The following NEBL variants were observed in gnomAD, a reference collection of about 807,000 sequenced individuals.
NEBL encodes nebulette, also known as LIM and SH3 protein 2.
A neutral mutation model predicts 140.2 loss-of-function variants in NEBL; 122 were observed. That is an observed-to-expected ratio of 0.87 (90% CI 0.75 to 1.01). NEBL has a LOEUF of 1.01. Ranked by LOEUF, NEBL falls within the 50% of genes least tolerant of loss-of-function variation. The probability of loss-of-function intolerance (pLI) is 0.00; values close to 1 mark genes in which losing one functional copy is unlikely to be tolerated. For missense variants in NEBL, 1,365 were observed against 1,231.3 expected, an observed-to-expected ratio of 1.11 and a Z score of -1.62; for synonymous variants, 436 against 398.9, an observed-to-expected ratio of 1.09 and a Z score of -1.11.
rs1588693518 is a variant in NEBL, at chr10:20,823,312, A to T, written c.1870-12T>A. ...TCTTTGTATTTCACCTGCATAATTT[A>T]TAAGAATATAACGTTAACTTTATTC... On this transcript the variant is annotated splice_polypyrimidine_tract_variant and intron_variant, in intron 18 of 27. Transcript: ENST00000377122. 4.5e-6 allele frequency: 7 copies of T among 1,567,166 alleles called. No individual in the cohort carries two copies. Among genetic ancestry groups the T allele is most frequent in the Middle Eastern group, 2.1e-4 (1 of 4,692 alleles).
intron 2 of NEBL, among the ~76,000 whole-genome samples, chr10:21,153,884 T>C (rs1008501601): frequency 6.6e-6 from 1 of 152,178 alleles, no homozygotes; most frequent in Non-Finnish European, 1.5e-5. Context: ...AAAGTTAAGA[T>C]GTAGGACCTC....
intron 2 of NEBL, among the ~76,000 whole-genome samples, chr10:21,161,805 G>T (rs182842123): frequency 2.0e-5 from 3 of 152,206 alleles, no homozygotes; most frequent in African/African-American, 7.2e-5. Context: ...CATGCCTGTT[G>T]TATAATAAAG....
chr10:21,026,727 A>C (rs1465290873), intron 2 of NEBL, among the ~76,000 whole-genome samples: 1 of 152,224 alleles, frequency 6.6e-6, no homozygotes, highest in Non-Finnish European at 1.5e-5. Context: ...AAATGAGTTA[A>C]CATGGCAGGG....
chr10:21,224,102 G>A (rs1052734780), intron 3 of NEBL, among the ~76,000 whole-genome samples: 3 of 152,144 alleles, frequency 2.0e-5, no homozygotes, highest in Non-Finnish European at 2.9e-5. Context: ...CCAATGTCCT[G>A]GAGAGTTTCT....
At chr10:20,891,378 G>T (rs1847014369) in intron 2 of NEBL, among the ~76,000 whole-genome samples, 1 of 152,126 alleles carries the variant, frequency 6.6e-6, no homozygotes, top group African/African-American at 2.4e-5. Flanking sequence ...ACTGTTAATG[G>T]CAGTATGATA....
chr10:21,142,526 G>T (rs1325064195), intron 2 of NEBL, among the ~76,000 whole-genome samples: 1 of 152,196 alleles, frequency 6.6e-6, no homozygotes, highest in Admixed American at 6.5e-5. Context: ...TTTTCCAACA[G>T]CGTCAGTTAT....
At chr10:21,188,775 A>G (rs1029610411) in intron 3 of NEBL, among the ~76,000 whole-genome samples, 2 of 151,812 alleles carry the variant, frequency 1.3e-5, no homozygotes, top group Admixed American at 1.3e-4. Context: ...TTTTTAGTAG[A>G]GATGGGGTTT....
At chr10:20,904,233 T>A (rs144014129) in intron 4 of NEBL, among the ~76,000 whole-genome samples, 2 of 152,208 alleles carry the variant, frequency 1.3e-5, no homozygotes, top group African/African-American at 4.8e-5. Flanking sequence ...GGGAAGGCAA[T>A]TGAGTACTGT....
At chr10:21,209,497 A>C (rs1841881756) in intron 3 of NEBL, among the ~76,000 whole-genome samples, 1 of 152,142 alleles carries the variant, frequency 6.6e-6, no homozygotes, top group South Asian at 2.1e-4. Context: ...TTGAAAAGAA[A>C]GAGAGGAAAA....
At chr10:21,151,303 T>G (rs566268723) in intron 2 of NEBL, among the ~76,000 whole-genome samples, 2 of 152,212 alleles carry the variant, frequency 1.3e-5, no homozygotes, top group Non-Finnish European at 2.9e-5. Context: ...TCACCACTCA[T>G]GTGGTGAAAC....
At chr10:20,841,194 A>G (rs1841385204) in intron 12 of NEBL, among the ~76,000 whole-genome samples, 2 of 152,262 alleles carry the variant, frequency 1.3e-5, no homozygotes, top group African/African-American at 2.4e-5. Flanking sequence ...TGAAAGTTCT[A>G]TAAAACATGC....
chr10:20,876,031 C>T (rs1845465603), intron 5 of NEBL, among the ~76,000 whole-genome samples: 1 of 152,172 alleles, frequency 6.6e-6, no homozygotes, highest in Non-Finnish European at 1.5e-5. Context: ...CTGCTAATTC[C>T]ATCTCAAATG....
intron 26 of NEBL, among the ~76,000 whole-genome samples, chr10:20,805,122 A>C (rs73607516): frequency 0.015 from 2,346 of 152,322 alleles, 68 homozygotes; most frequent in African/African-American, 0.054. Flanking sequence ...TATGAGTGAA[A>C]GACAAGCGTC....
intron 2 of NEBL, among the ~76,000 whole-genome samples, chr10:21,167,285 C>T (rs1191781363): frequency 6.6e-6 from 1 of 152,224 alleles, no homozygotes; most frequent in Non-Finnish European, 1.5e-5. Context: ...GGGAATCTTA[C>T]TTGGATCACT....
At chr10:20,879,579 C>G (rs1297505344) in intron 5 of NEBL, among the ~76,000 whole-genome samples, 1 of 152,166 alleles carries the variant, frequency 6.6e-6, no homozygotes, top group African/African-American at 2.4e-5. Context: ...AGTTGCCGTT[C>G]TGCGGAAAAC....
chr10:21,093,474 A>G (rs1394334228), intron 2 of NEBL, among the ~76,000 whole-genome samples: 2 of 152,092 alleles, frequency 1.3e-5, no homozygotes, highest in Non-Finnish European at 1.5e-5. Context: ...CAGTCCCTCC[A>G]TCGGCACTGA....
intron 3 of NEBL, among the ~76,000 whole-genome samples, chr10:21,233,721 G>T (rs1196787257): frequency 7.5e-6 from 1 of 133,628 alleles, no homozygotes; most frequent in Non-Finnish European, 1.6e-5. Context: ...CATATATATG[G>T]ATATATATTA....
chr10:20,809,684 G>A, intron 25 of NEBL, 122 bp downstream of exon 25: 3 of 771,906 alleles, frequency 3.9e-6, no homozygotes, highest in Admixed American at 4.9e-5. Context: ...GCATTTTTTT[G>A]GTTTGCCAAA....
intron 3 of NEBL, among the ~76,000 whole-genome samples, chr10:20,968,027 G>GT (rs79961633): frequency 6.6e-6 from 1 of 152,050 alleles, no homozygotes; most frequent in Admixed American, 6.5e-5. Flanking sequence ...AAAGACTTGG[G>GT]TTTTTTCGTA....
Sources: allele counts gnomAD v4.1 joint callset (sites outside exome capture counted in the v4.1 genomes callset), GRCh38; gene constraint gnomAD v4.1.1; transcripts MANE v1.5; gene names NCBI Gene and HGNC (gene_info 2026-07-23, HGNC 2026-07-21).